The following SPIN1 variants were observed in gnomAD, a reference collection of about 807,000 sequenced individuals.
SPIN1 encodes spindlin 1.
In SPIN1, 3 loss-of-function variants were observed where a neutral mutation model predicts 26.0. The observed-to-expected ratio is 0.12, with a 90% CI of 0.05 to 0.30. The LOEUF (loss-of-function observed/expected upper bound fraction) is 0.30, where lower values mean the gene tolerates loss of function less well. Among genes scored for constraint, SPIN1 ranks in the 10% least tolerant of loss-of-function variants. The pLI is 1.00. For synonymous variants in SPIN1, 101 were observed against 116.5 expected (o/e 0.87, Z 0.86); for missense variants, 126 against 333.4 (o/e 0.38, Z 4.84).
intron 1 of SPIN1, among the ~76,000 whole-genome samples, chr9:88,406,701 CT>C (rs539138822): frequency 9.7e-4 from 147 of 152,246 alleles, no homozygotes; most frequent in Non-Finnish European, 1.7e-3. Context: ...TTAATAAGTA[CT>C]TTCTGCCTAT....
chr9:88,426,019 G>C (rs1827759559), intron 1 of SPIN1, among the ~76,000 whole-genome samples: 1 of 152,098 alleles, frequency 6.6e-6, no homozygotes, highest in African/African-American at 2.4e-5. Flanking sequence ...GGGCCATGCT[G>C]TCTAAATCTT....
chr9:88,472,289 C>A (rs922940742), intron 5 of SPIN1, among the ~76,000 whole-genome samples: 2 of 152,190 alleles, frequency 1.3e-5, no homozygotes, highest in Non-Finnish European at 2.9e-5. Flanking sequence ...GTCTTCTAAT[C>A]CATGGCTTGA....
chr9:88,475,047 CTTTTT>C lies in SPIN1; in HGVS notation c.590-12_590-8del, dbSNP rs11320023. ...TGACTTAGAAATTTTCTCTCTCTCT[CTTTTT>C]TTTTTTTTTTTTTTTTTTAATATAG... On this transcript the variant is annotated intron_variant, in intron 5 of 5. Transcript: ENST00000375859. The C allele has an allele frequency of 2.2e-3, 1,836 of 839,964 alleles. 3 individuals are homozygous for C. Among genetic ancestry groups the C allele is most frequent in the African/African-American group, 0.015 (638 of 43,372 alleles). 52.0% of individuals were successfully genotyped at this position (839,964 alleles called of 1,614,324 possible).
intron 5 of SPIN1, 37 bp downstream of exon 5, chr9:88,468,642 A>G (rs1193206100): frequency 3.8e-6 from 5 of 1,306,248 alleles, no homozygotes; most frequent in Non-Finnish European, 5.0e-6. Flanking sequence ...TGTGATAATT[A>G]GAAGGGATTT....
intron 3 of SPIN1, among the ~76,000 whole-genome samples, chr9:88,451,048 A>G (rs1035034304): frequency 5.9e-5 from 9 of 152,254 alleles, no homozygotes; most frequent in South Asian, 2.1e-4. Context: ...GACTAGAACA[A>G]TGAGGTTTGC....
At chr9:88,445,894 T>G (rs1828241053) in intron 2 of SPIN1, among the ~76,000 whole-genome samples, 1 of 152,182 alleles carries the variant, frequency 6.6e-6, no homozygotes, top group African/African-American at 2.4e-5. Context: ...CCATGTGAAC[T>G]TGGAAAACTA....
chr9:88,401,108 G>C (rs987613304), intron 1 of SPIN1, among the ~76,000 whole-genome samples: 5 of 152,146 alleles, frequency 3.3e-5, no homozygotes, highest in African/African-American at 1.2e-4. Context: ...CTTTTTGGAG[G>C]ATGGCTGCAC....
At chr9:88,420,765 T>C (rs1229383250) in intron 1 of SPIN1, among the ~76,000 whole-genome samples, 2 of 152,174 alleles carry the variant, frequency 1.3e-5, no homozygotes, top group Admixed American at 6.5e-5. Context: ...TACAAAACAG[T>C]GTAGGTAAAG....
At position 88,469,470 on chromosome 9, in the gene SPIN1, G is replaced by T. The variant is rs1828735260; in HGVS notation, c.589+865G>T. Among the ~76,000 whole-genome samples the T allele has an allele frequency of 2.0e-5, 3 of 152,304 alleles. No homozygotes were observed. In the East Asian group the frequency reaches 5.8e-4, roughly 29 times the overall value. ...TGTTCACACAGGTAAGGTAGAAGAG[G>T]ATGTGACCTGGGCTAATTTCATTAG... On this transcript the variant is annotated intron_variant, in intron 5 of 5. Coordinates refer to ENST00000375859, the MANE Select transcript of SPIN1 (RefSeq NM_006717.3).
chr9:88,412,877 TTTCAC>T (rs1366056712), intron 1 of SPIN1, among the ~76,000 whole-genome samples: 2 of 151,940 alleles, frequency 1.3e-5, no homozygotes, highest in African/African-American at 4.8e-5. Flanking sequence ...AGAGACAGGG[TTTCAC>T]TATGTTGGCC....
At chr9:88,463,856 C>G (rs1474156477) in intron 4 of SPIN1, among the ~76,000 whole-genome samples, 1 of 152,164 alleles carries the variant, frequency 6.6e-6, no homozygotes, top group Non-Finnish European at 1.5e-5. Context: ...CCTCTTGATG[C>G]ACATCCTACA....
At chr9:88,407,519 A>C (rs748818729) in intron 1 of SPIN1, among the ~76,000 whole-genome samples, 1 of 150,048 alleles carries the variant, frequency 6.7e-6, no homozygotes, top group Non-Finnish European at 1.5e-5. Context: ...AAAATAAGCT[A>C]TTGAATTGTG....
chr9:88,471,011 T>A (rs1828772260), intron 5 of SPIN1, among the ~76,000 whole-genome samples: 2 of 152,234 alleles, frequency 1.3e-5, no homozygotes, highest in Admixed American at 1.3e-4. Context: ...ATACAAGACC[T>A]TTATCAGATA....
At chr9:88,463,253 GCT>G (rs924322011) in intron 4 of SPIN1, among the ~76,000 whole-genome samples, 1 of 152,124 alleles carries the variant, frequency 6.6e-6, no homozygotes, top group Non-Finnish European at 1.5e-5. Flanking sequence ...GAAATGAATG[GCT>G]CTTTTTAAAT....
rs1828870401 is a variant in SPIN1, at chr9:88,475,377, C to CCCTG, written c.*102_*105dup. The CCCTG allele has an allele frequency of 8.3e-7, 1 of 1,198,122 alleles. No individual in the cohort carries two copies. Among genetic ancestry groups the CCCTG allele is most frequent in the African/African-American group, 1.5e-5 (1 of 65,550 alleles). 74.2% of individuals were successfully genotyped at this position (1,198,122 alleles called of 1,614,324 possible). ...TCCAGTTTAATGAAAGCTTAAATGT[C>CCCTG]CCTGCGAACCCACAATCTCTGCCAG... On this transcript the variant is annotated 3_prime_UTR_variant, in exon 6 of 6. Transcript: ENST00000375859.
At chr9:88,471,802 T>C (rs1445506698) in intron 5 of SPIN1, among the ~76,000 whole-genome samples, 1 of 152,110 alleles carries the variant, frequency 6.6e-6, no homozygotes, top group Admixed American at 6.5e-5. Flanking sequence ...TGTGGTAAAT[T>C]TTGAGATCAA....
chr9:88,427,375 C>A (rs1015667349), intron 2 of SPIN1, among the ~76,000 whole-genome samples: 1 of 151,906 alleles, frequency 6.6e-6, no homozygotes, highest in African/African-American at 2.4e-5. Flanking sequence ...TTCTAAGTAC[C>A]CTTTATCTTT....
intron 3 of SPIN1, among the ~76,000 whole-genome samples, chr9:88,451,684 C>T (rs1163524027): frequency 6.6e-6 from 1 of 152,156 alleles, no homozygotes; most frequent in Non-Finnish European, 1.5e-5. Flanking sequence ...CCTCAGCTTC[C>T]TAAGTAGCTG....
chr9:88,425,033 G>A (rs963133324), intron 1 of SPIN1, among the ~76,000 whole-genome samples: 1 of 152,196 alleles, frequency 6.6e-6, no homozygotes, highest in East Asian at 1.9e-4. Flanking sequence ...GATTGTGTCA[G>A]GGTGTGTGGT....
Sources: allele counts gnomAD v4.1 joint callset (sites outside exome capture counted in the v4.1 genomes callset), GRCh38; gene constraint gnomAD v4.1.1; transcripts MANE v1.5; gene names NCBI Gene and HGNC (gene_info 2026-07-23, HGNC 2026-07-21).